Variants in NTRK2 observed in about 807,000 individuals in gnomAD.
NTRK2 encodes BDNF/NT-3 growth factors receptor.
A neutral mutation model predicts 94.5 loss-of-function variants in NTRK2; 13 were observed. The observed-to-expected ratio is 0.14, with a 90% confidence interval of 0.09 to 0.22. The LOEUF (loss-of-function observed/expected upper bound fraction) is 0.22. Among genes scored for constraint, NTRK2 ranks in the 10% least tolerant of loss-of-function variants. The probability of loss-of-function intolerance (pLI) is 1.00; values close to 1 mark genes in which losing one functional copy is unlikely to be tolerated. For missense variants in NTRK2, 639 were observed against 1,071.2 expected (o/e 0.60, Z 5.63); for synonymous variants, 372 against 407.4 (o/e 0.91, Z 1.05).
intron 12 of NTRK2, among the ~76,000 whole-genome samples, chr9:84,787,821 A>G (rs1346189874): frequency 6.6e-6 from 1 of 152,190 alleles, no homozygotes; most frequent in African/African-American, 2.4e-5. Context: ...GGTGGGCAAT[A>G]TAGTGTATGG....
intron 17 of NTRK2, among the ~76,000 whole-genome samples, chr9:85,008,062 C>T (rs575164721): frequency 3.3e-5 from 5 of 152,070 alleles, no homozygotes; most frequent in Non-Finnish European, 7.4e-5. Context: ...CTTCTATGAG[C>T]TAGTTTTTGC....
In NTRK2 at chr9:84,869,564, T is replaced by C. The variant is rs569028684; in HGVS notation, c.1633+2133T>C. On this transcript the variant is annotated intron_variant, in intron 14 of 18. Transcript: ENST00000277120. ...GTAAATGTCATTTTTTATCTCATAA[T>C]TTTTTTTCCTTTATCTTCGGTGTAT... Among the ~76,000 whole-genome samples the C allele has an allele frequency of 2.0e-5, 3 of 152,216 alleles. No homozygotes were observed. In the East Asian group the frequency reaches 5.8e-4, roughly 29 times the overall value.
intron 2 of NTRK2, 141 bp from the exon 3 acceptor site, chr9:84,702,018 C>T: frequency 1.4e-6 from 1 of 726,674 alleles, no homozygotes; most frequent in South Asian, 1.5e-5. Flanking sequence ...TTTTGCTCTA[C>T]TGCTGTATTT....
chr9:84,959,382 G>GTTC (rs1213279573), intron 17 of NTRK2, among the ~76,000 whole-genome samples: 1 of 152,156 alleles, frequency 6.6e-6, no homozygotes, highest in Non-Finnish European at 1.5e-5. Flanking sequence ...TGCATAAAAT[G>GTTC]TTCCTTATCT....
intron 2 of NTRK2, among the ~76,000 whole-genome samples, chr9:84,690,894 A>G (rs2060014269): frequency 6.6e-6 from 1 of 152,198 alleles, no homozygotes; most frequent in Admixed American, 6.5e-5. Context: ...TATTGTACAT[A>G]AAGACCATTT....
chr9:84,718,952 A>G (rs1252529972), intron 6 of NTRK2, among the ~76,000 whole-genome samples: 2 of 152,220 alleles, frequency 1.3e-5, no homozygotes, highest in African/African-American at 4.8e-5. Flanking sequence ...TAAAAGATCA[A>G]GACTTGGCCA....
At chr9:84,811,413 A>G (rs199598112) in intron 12 of NTRK2, 2 of 1,065,872 alleles carry the variant, frequency 1.9e-6, no homozygotes, top group Admixed American at 5.3e-5. Context: ...AGAATAACTA[A>G]GAGTGGAATA....
chr9:84,975,983 T>C (rs543053854), intron 17 of NTRK2, among the ~76,000 whole-genome samples: 3 of 152,134 alleles, frequency 2.0e-5, no homozygotes, highest in Non-Finnish European at 4.4e-5. Context: ...GGTAGATACC[T>C]GAGAGGGCTG....
chr9:84,713,625 G>T (rs2061540007), intron 6 of NTRK2, among the ~76,000 whole-genome samples: 1 of 151,966 alleles, frequency 6.6e-6, no homozygotes, highest in African/African-American at 2.4e-5. Context: ...GTTCTTGGGT[G>T]GTGGGAAATT....
intron 15 of NTRK2, among the ~76,000 whole-genome samples, chr9:84,939,844 C>T (rs2078344691): frequency 6.6e-6 from 1 of 152,050 alleles, no homozygotes; most frequent in Non-Finnish European, 1.5e-5. Context: ...CTCGTCTTCT[C>T]CATCCCTTGG....
intron 12 of NTRK2, among the ~76,000 whole-genome samples, chr9:84,784,178 ATG>A (rs1176608458): frequency 6.6e-6 from 1 of 152,228 alleles, no homozygotes; most frequent in Non-Finnish European, 1.5e-5. Flanking sequence ...TACTAGTTGT[ATG>A]ACCTCCAATA....
intron 17 of NTRK2, among the ~76,000 whole-genome samples, chr9:84,995,432 C>A (rs371585195): frequency 1.3e-5 from 2 of 152,142 alleles, no homozygotes; most frequent in South Asian, 4.2e-4. Context: ...TCTCACTTTG[C>A]CCAATGAGAC....
At chr9:84,734,387 C>A (rs1437145497) in intron 9 of NTRK2, among the ~76,000 whole-genome samples, 1 of 152,174 alleles carries the variant, frequency 6.6e-6, no homozygotes, top group African/African-American at 2.4e-5. Context: ...CCCAGAAATG[C>A]TTTTATCTCA....
At chr9:84,792,952 G>C (rs1329648299) in intron 12 of NTRK2, among the ~76,000 whole-genome samples, 1 of 152,126 alleles carries the variant, frequency 6.6e-6, no homozygotes, top group East Asian at 1.9e-4. Flanking sequence ...TGTAGTGGTT[G>C]CTACATAATG....
intron 12 of NTRK2, among the ~76,000 whole-genome samples, chr9:84,808,036 G>A (rs907727104): frequency 1.3e-5 from 2 of 152,150 alleles, no homozygotes; most frequent in Admixed American, 1.3e-4. Flanking sequence ...GGCTTCACTT[G>A]TTTTTATTGC....
intron 12 of NTRK2, among the ~76,000 whole-genome samples, chr9:84,775,856 A>C (rs746577128): frequency 6.6e-6 from 1 of 152,204 alleles, no homozygotes. Context: ...TACTGAATTC[A>C]AATCTGAATT....
At chr9:84,816,230 T>C (rs963653676) in intron 12 of NTRK2, among the ~76,000 whole-genome samples, 1 of 152,118 alleles carries the variant, frequency 6.6e-6, no homozygotes, top group African/African-American at 2.4e-5. Context: ...CCATAACTGT[T>C]AGCATGGTGC....
intron 14 of NTRK2, among the ~76,000 whole-genome samples, chr9:84,915,540 T>C (rs1242108761): frequency 2.0e-5 from 3 of 152,174 alleles, no homozygotes; most frequent in African/African-American, 7.2e-5. Context: ...GTGGAAGCAA[T>C]CTGAGGCCCT....
chr9:84,761,545 T>G (rs1008057713), intron 12 of NTRK2, among the ~76,000 whole-genome samples: 1 of 152,196 alleles, frequency 6.6e-6, no homozygotes, highest in African/African-American at 2.4e-5. Flanking sequence ...TCTACCACCT[T>G]GTTACAAAAC....
Sources: gnomAD v4.1 joint callset for allele counts (sites outside exome capture counted in the v4.1 genomes callset) on GRCh38, gnomAD v4.1.1 for gene constraint, MANE v1.5 for transcripts, NCBI Gene and HGNC (gene_info 2026-07-23, HGNC 2026-07-21) for gene names.